PPARGC1A: variants seen among roughly 807,000 people sequenced by gnomAD.
The protein encoded by PPARGC1A is PPARG coactivator 1 alpha.
In PPARGC1A, 25 loss-of-function variants were observed where a neutral mutation model predicts 88.7. That is an observed-to-expected ratio of 0.28 (90% CI 0.21 to 0.39). PPARGC1A has a LOEUF of 0.39. Among genes scored for constraint, PPARGC1A ranks in the 10% least tolerant of loss-of-function variants. PPARGC1A has a pLI of 1.00. For synonymous variants in PPARGC1A, 363 were observed against 355.6 expected (o/e 1.02, Z -0.24); for missense variants, 880 against 968.7 (o/e 0.91, Z 1.22).
the PPARGC1A span, among the ~76,000 whole-genome samples, chr4:24,130,231 T>A: frequency 1.3e-5 from 2 of 152,188 alleles, no homozygotes; most frequent in African/African-American, 2.4e-5. Context: ...TGCCTTGTGA[T>A]CTAATGCTCA....
the PPARGC1A span, among the ~76,000 whole-genome samples, chr4:24,068,805 C>A: frequency 6.6e-6 from 1 of 152,172 alleles, no homozygotes. Context: ...CACTCACCAT[C>A]CCACATCTTC....
At chr4:24,363,016 C>T in the PPARGC1A span, among the ~76,000 whole-genome samples, 5 of 152,170 alleles carry the variant, frequency 3.3e-5, no homozygotes, top group African/African-American at 9.7e-5. Context: ...GGCAATTCCC[C>T]AACTTGATGT....
chr4:23,839,218 T>G (rs1475311974), intron 2 of PPARGC1A, among the ~76,000 whole-genome samples: 2 of 152,196 alleles, frequency 1.3e-5, no homozygotes, highest in Non-Finnish European at 2.9e-5. Context: ...CACGTGAAAT[T>G]CAGTATTCTG....
chr4:23,935,941 A>T, the PPARGC1A span, among the ~76,000 whole-genome samples: 1 of 152,256 alleles, frequency 6.6e-6, no homozygotes. Context: ...CAGCCTATAC[A>T]TGTATTTTTT....
the PPARGC1A span, among the ~76,000 whole-genome samples, chr4:23,982,476 T>A: frequency 6.6e-6 from 1 of 151,954 alleles, no homozygotes; most frequent in Non-Finnish European, 1.5e-5. Context: ...CACACCCACA[T>A]CCCATTGACT....
At chr4:23,812,187 C>A (rs764462771) in intron 10 of PPARGC1A, among the ~76,000 whole-genome samples, 3 of 151,990 alleles carry the variant, frequency 2.0e-5, no homozygotes, top group Non-Finnish European at 2.9e-5. Context: ...AAGTGATCCA[C>A]ATGCCTTGGC....
chr4:24,332,165 A>G, the PPARGC1A span, among the ~76,000 whole-genome samples: 1 of 151,692 alleles, frequency 6.6e-6, no homozygotes, highest in Non-Finnish European at 1.5e-5. Flanking sequence ...TTTTATAGAG[A>G]CAGGGGCTCA....
intron 10 of PPARGC1A, 124 bp downstream of exon 10, chr4:23,812,623 G>T: frequency 6.9e-7 from 1 of 1,451,848 alleles, no homozygotes; most frequent in Non-Finnish European, 9.3e-7. Flanking sequence ...AAGCCAAAAG[G>T]CTGAAAATGG....
chr4:24,114,145 AGAG>A, the PPARGC1A span, among the ~76,000 whole-genome samples: 1 of 149,354 alleles, frequency 6.7e-6, no homozygotes, highest in Non-Finnish European at 1.5e-5. Flanking sequence ...AAAAAAAAAA[AGAG>A]GGATGGAAAG....
chr4:24,097,425 C>T, the PPARGC1A span, among the ~76,000 whole-genome samples: 1 of 152,208 alleles, frequency 6.6e-6, no homozygotes, highest in South Asian at 2.1e-4. Context: ...TGAGTCCCTA[C>T]TGCCCACGTT....
At chr4:24,057,334 T>C in the PPARGC1A span, among the ~76,000 whole-genome samples, 1 of 151,484 alleles carries the variant, frequency 6.6e-6, no homozygotes, top group African/African-American at 2.4e-5. Context: ...ATTTAATGGG[T>C]ATAGAGTTTC....
chr4:23,983,482 T>C, the PPARGC1A span, among the ~76,000 whole-genome samples: 2 of 152,104 alleles, frequency 1.3e-5, no homozygotes, highest in African/African-American at 4.8e-5. Context: ...GCACCTTCAG[T>C]GATTACCTGA....
chr4:24,143,340 T>C, the PPARGC1A span, among the ~76,000 whole-genome samples: 1 of 151,974 alleles, frequency 6.6e-6, no homozygotes, highest in African/African-American at 2.4e-5. Flanking sequence ...CTTCAAGAAA[T>C]AGGTGAACAC....
chr4:24,237,415 T>C, the PPARGC1A span, among the ~76,000 whole-genome samples: 19 of 152,290 alleles, frequency 1.2e-4, no homozygotes, highest in African/African-American at 4.3e-4. Flanking sequence ...TTTCTCATAT[T>C]TTCTGCTGTT....
At chr4:23,812,507 A>C (rs1433449889) in intron 10 of PPARGC1A, among the ~76,000 whole-genome samples, 1 of 152,206 alleles carries the variant, frequency 6.6e-6, no homozygotes, top group Admixed American at 6.5e-5. Context: ...AGGTGAAAAC[A>C]GTAATGAACT....
the PPARGC1A span, among the ~76,000 whole-genome samples, chr4:24,321,868 G>T: frequency 6.6e-6 from 1 of 152,174 alleles, no homozygotes. Context: ...AGAATTCTTT[G>T]TAAGGACTTC....
At chr4:23,875,390 A>C (rs1163135765) in intron 2 of PPARGC1A, among the ~76,000 whole-genome samples, 1 of 152,104 alleles carries the variant, frequency 6.6e-6, no homozygotes, top group Non-Finnish European at 1.5e-5. Context: ...TTTGAATTAC[A>C]GTGTTTTGGA....
the PPARGC1A span, among the ~76,000 whole-genome samples, chr4:23,991,887 A>G: frequency 6.6e-6 from 1 of 152,224 alleles, no homozygotes; most frequent in African/African-American, 2.4e-5. Context: ...AAAAAATAGC[A>G]AGAAATCTTA....
the PPARGC1A span, among the ~76,000 whole-genome samples, chr4:24,257,818 C>G: frequency 6.6e-6 from 1 of 152,114 alleles, no homozygotes; most frequent in Non-Finnish European, 1.5e-5. Context: ...AAAGTGACTG[C>G]TCAAAACACA....
Sources: gnomAD v4.1 joint callset for allele counts (sites outside exome capture counted in the v4.1 genomes callset) on GRCh38, gnomAD v4.1.1 for gene constraint, MANE v1.5 for transcripts, NCBI Gene and HGNC (gene_info 2026-07-23, HGNC 2026-07-21) for gene names.